The following DHX15 variants were observed in gnomAD, a reference collection of about 807,000 sequenced individuals.
DHX15 encodes ATP-dependent RNA helicase DHX15.
A neutral mutation model predicts 94.4 loss-of-function variants in DHX15; 11 were observed. The ratio of observed to expected loss-of-function variants is 0.12; its 90% CI spans 0.07 to 0.19. The LOEUF is 0.19. Ranked by LOEUF, DHX15 falls within the 10% of genes least tolerant of loss-of-function variation. DHX15 has a pLI of 1.00. For missense variants in DHX15, 304 were observed against 988.5 expected (o/e 0.31, Z 9.29); for synonymous variants, 338 against 329.9 (o/e 1.02, Z -0.27).
intron 12 of DHX15, chr4:24,530,938 C>A (rs1721071790): frequency 6.6e-6 from 1 of 152,122 alleles, no homozygotes; most frequent in Non-Finnish European, 1.5e-5. Context: ...TAGGGTTTTC[C>A]TATGTTGCCT....
intron 3 of DHX15, among the ~76,000 whole-genome samples, chr4:24,562,285 ACT>A (rs1003220367): frequency 4.6e-5 from 7 of 152,234 alleles, no homozygotes; most frequent in Admixed American, 1.3e-4. Context: ...AATGAATGGC[ACT>A]GTTTAATCTG....
At chr4:24,559,079 C>T (rs1024885093) in intron 3 of DHX15, among the ~76,000 whole-genome samples, 1 of 152,018 alleles carries the variant, frequency 6.6e-6, no homozygotes, top group African/African-American at 2.4e-5. Flanking sequence ...CAGACAAGAT[C>T]GCCCTGAATT....
At chr4:24,528,082 A>C (rs766584144) in intron 13 of DHX15, 41 bp from the exon 14 acceptor site, 46 of 1,395,628 alleles carry the variant, frequency 3.3e-5, no homozygotes, top group Middle Eastern at 1.8e-4. Flanking sequence ...ATTAACATTT[A>C]ATTGAAGTAC....
intron 3 of DHX15, among the ~76,000 whole-genome samples, chr4:24,560,654 G>A (rs1453214005): frequency 6.6e-6 from 1 of 152,122 alleles, no homozygotes; most frequent in Admixed American, 6.5e-5. Flanking sequence ...AGCATATGAT[G>A]AAACATCTAA....
intron 12 of DHX15, among the ~76,000 whole-genome samples, chr4:24,531,282 G>A (rs998451517): frequency 6.6e-6 from 1 of 151,952 alleles, no homozygotes; most frequent in African/African-American, 2.4e-5. Context: ...TAGAGACGGG[G>A]TTTCACCATG....
chr4:24,577,959 CA>C (rs1293806874), intron 1 of DHX15, among the ~76,000 whole-genome samples: 8 of 152,234 alleles, frequency 5.3e-5, no homozygotes, highest in Non-Finnish European at 1.0e-4. Flanking sequence ...CCACAATACA[CA>C]AAAGTACAAA....
chr4:24,544,122 T>C (rs1375355885), intron 6 of DHX15, among the ~76,000 whole-genome samples: 1 of 152,112 alleles, frequency 6.6e-6, no homozygotes, highest in Non-Finnish European at 1.5e-5. Flanking sequence ...TAAAGTTCCA[T>C]CTTAAAAAAA....
At chr4:24,529,977 G>A in intron 12 of DHX15, 1 of 577,792 alleles carries the variant, frequency 1.7e-6, no homozygotes, top group Non-Finnish European at 3.0e-6. Context: ...TAAGGTCTGT[G>A]AATCCAAAAT....
intron 3 of DHX15, among the ~76,000 whole-genome samples, chr4:24,566,501 C>T (rs982856149): frequency 6.6e-6 from 1 of 152,150 alleles, no homozygotes; most frequent in Non-Finnish European, 1.5e-5. Flanking sequence ...TTCTGGCTAA[C>T]CACTACTTTA....
At chr4:24,583,562 G>A (rs1008008945) in intron 1 of DHX15, among the ~76,000 whole-genome samples, 6 of 151,978 alleles carry the variant, frequency 3.9e-5, no homozygotes, top group East Asian at 1.9e-4. Context: ...AGGAGATGGC[G>A]GGAGCGTAGG....
chr4:24,535,572 T>A (rs1293496223), intron 11 of DHX15, among the ~76,000 whole-genome samples: 2 of 152,194 alleles, frequency 1.3e-5, no homozygotes, highest in African/African-American at 4.8e-5. Flanking sequence ...TGTGGTTTCA[T>A]AACCACATTT....
intron 13 of DHX15, 98 bp downstream of exon 13, chr4:24,529,503 C>A (rs1721033386): frequency 9.8e-7 from 1 of 1,019,108 alleles, no homozygotes; most frequent in Admixed American, 2.2e-5. Context: ...AATATAAATT[C>A]TCAATGAGTG....
intron 8 of DHX15, among the ~76,000 whole-genome samples, chr4:24,541,499 C>T (rs1391596753): frequency 2.6e-5 from 4 of 151,742 alleles, no homozygotes; most frequent in East Asian, 1.9e-4. Context: ...TTAAGTGAAA[C>T]GCTGAAAGTT....
intron 3 of DHX15, among the ~76,000 whole-genome samples, chr4:24,562,780 T>G (rs955821460): frequency 1.1e-4 from 17 of 152,192 alleles, no homozygotes; most frequent in Non-Finnish European, 2.1e-4. Context: ...GAGTCATATA[T>G]ATGAACACCA....
chr4:24,583,069 A>C (rs1264371174), intron 1 of DHX15, among the ~76,000 whole-genome samples: 3 of 152,256 alleles, frequency 2.0e-5, no homozygotes, highest in Non-Finnish European at 4.4e-5. Flanking sequence ...ATTTCAATGA[A>C]GAACTTTAGC....
intron 3 of DHX15, among the ~76,000 whole-genome samples, chr4:24,561,560 T>C (rs1721872645): frequency 6.6e-6 from 1 of 152,120 alleles, no homozygotes; most frequent in South Asian, 2.1e-4. Context: ...TAAATGTCCA[T>C]TAAAAGTAGA....
At chr4:24,544,337 A>G (rs1360466785) in intron 6 of DHX15, among the ~76,000 whole-genome samples, 3 of 152,228 alleles carry the variant, frequency 2.0e-5, no homozygotes, top group Non-Finnish European at 2.9e-5. Context: ...CAAAATACTA[A>G]CAGGAAACCT....
intron 5 of DHX15, among the ~76,000 whole-genome samples, chr4:24,550,236 G>A (rs1189679439): frequency 2.0e-5 from 3 of 151,320 alleles, no homozygotes; most frequent in Non-Finnish European, 4.4e-5. Context: ...AGGACATTCT[G>A]TACAGAACTG....
intron 3 of DHX15, among the ~76,000 whole-genome samples, chr4:24,557,986 A>G (rs1721775645): frequency 6.6e-6 from 1 of 152,060 alleles, no homozygotes; most frequent in South Asian, 2.1e-4. Flanking sequence ...AGGCAAAAAA[A>G]AAAAAAAAGG....
Sources: gnomAD v4.1 joint callset for allele counts (sites outside exome capture counted in the v4.1 genomes callset) on GRCh38, gnomAD v4.1.1 for gene constraint, MANE v1.5 for transcripts, NCBI Gene and HGNC (gene_info 2026-07-23, HGNC 2026-07-21) for gene names.